The following MYZAP variants were observed in gnomAD, a reference collection of about 807,000 sequenced individuals.
The protein encoded by MYZAP is GRINL1A complex locus upstream.
A neutral mutation model predicts 69.4 loss-of-function variants in MYZAP; 66 were observed. The ratio of observed to expected loss-of-function variants is 0.95; its 90% CI spans 0.78 to 1.17. The LOEUF (loss-of-function observed/expected upper bound fraction) is 1.17, where lower values mean the gene tolerates loss of function less well. MYZAP is among the 50% of genes most tolerant of loss of function. MYZAP has a pLI of 0.00. For missense variants in MYZAP, 611 were observed against 556.2 expected (o/e 1.10, Z -0.99); for synonymous variants, 256 against 205.9 (o/e 1.24, Z -2.09).
rs190757701 is a variant in MYZAP at position 57,657,309 on chromosome 15, C to T, written c.1120-4141C>T. 2.3e-3 allele frequency among the ~76,000 whole-genome samples: 348 copies of T among 152,156 alleles called. 4 individuals carry two copies. The highest frequency in any genetic ancestry group is 8.0e-3 in the African/African-American group (333 of 41,490). ...TTCATTTAAAGATTTTAAAAGTTAA[C>T]TTTAACAATCTTAATACTATAAAAA... On this transcript the variant is annotated intron_variant, in intron 10 of 12. Coordinates refer to ENST00000267853, the MANE Select transcript of MYZAP (RefSeq NM_001018100.5).
chr15:57,659,922 T>C (rs991615797), intron 10 of MYZAP, among the ~76,000 whole-genome samples: 38 of 152,336 alleles, frequency 2.5e-4, no homozygotes, highest in African/African-American at 9.1e-4. Context: ...TATTTATTAA[T>C]AATTAGGGTT....
chr15:57,642,488 G>A (rs1337081426), intron 10 of MYZAP, among the ~76,000 whole-genome samples: 1 of 152,180 alleles, frequency 6.6e-6, no homozygotes, highest in African/African-American at 2.4e-5. Flanking sequence ...CATATAGGCA[G>A]CCTTTAAGTG....
intron 9 of MYZAP, among the ~76,000 whole-genome samples, chr15:57,638,377 G>A (rs999475694): frequency 9.2e-5 from 14 of 152,130 alleles, no homozygotes; most frequent in African/African-American, 2.7e-4. Context: ...ATCTTTAAAC[G>A]GGGGAGACGG....
At chr15:57,624,104 A>G (rs149052107) in intron 4 of MYZAP, among the ~76,000 whole-genome samples, 2,248 of 152,340 alleles carry the variant, frequency 0.015, 30 homozygotes, top group South Asian at 0.045. Context: ...TGTTTGCACC[A>G]TGTGAGTGTA....
At chr15:57,617,356 G>A (rs1400183331) in intron 2 of MYZAP, among the ~76,000 whole-genome samples, 2 of 152,016 alleles carry the variant, frequency 1.3e-5, no homozygotes, top group African/African-American at 4.8e-5. Flanking sequence ...CTATAAAGGC[G>A]TGTTAAGGCT....
chr15:57,640,826 G>A lies in MYZAP; in HGVS notation c.1119+1281G>A, dbSNP rs74016369. Reference sequence around the variant, plus strand: ...GTTTCTGGGGAGCAGTGGAATAGCAGAGGAGGCCACGCACGCATCTTTGCA... The same window carrying A: ...GTTTCTGGGGAGCAGTGGAATAGCAAAGGAGGCCACGCACGCATCTTTGCA... On this transcript the variant is annotated intron_variant, in intron 10 of 12. Coordinates refer to ENST00000267853, the MANE Select transcript of MYZAP (RefSeq NM_001018100.5). Among the ~76,000 whole-genome samples the A allele has an allele frequency of 5.0e-3, 769 of 152,316 alleles. 3 individuals are homozygous for A. Among genetic ancestry groups the A allele is most frequent in the African/African-American group, 0.018 (748 of 41,566 alleles).
In MYZAP at chr15:57,625,898, C is replaced by T. The variant is rs772785817; in HGVS notation, c.525+6C>T. 2 of 1,612,054 alleles carry T rather than the reference C, an allele frequency of 1.2e-6. No individual in the cohort carries two copies. Among genetic ancestry groups the T allele is most frequent in the South Asian group, 2.2e-5 (2 of 90,998 alleles). ...CAGATTCCATTGGCCTGCAGGTACT[C>T]ATCTGCTTACTGCTATGACAGGGCA... On this transcript the variant is annotated splice_donor_region_variant and intron_variant, in intron 5 of 12. Transcript: ENST00000267853.
chr15:57,618,716 A>G (rs2035627759), intron 3 of MYZAP, among the ~76,000 whole-genome samples: 1 of 152,252 alleles, frequency 6.6e-6, no homozygotes, highest in African/African-American at 2.4e-5. Flanking sequence ...TATGAAGAAG[A>G]AAATAAAATC....
intron 8 of MYZAP, 134 bp from the exon 9 acceptor site, chr15:57,637,561 C>T: frequency 1.2e-6 from 1 of 833,586 alleles, no homozygotes; most frequent in East Asian, 2.7e-5. Flanking sequence ...CTTGTTTGGG[C>T]TTTGCTGAGC....
chr15:57,638,706 T>C (rs1183673524), intron 9 of MYZAP, among the ~76,000 whole-genome samples: 1 of 152,198 alleles, frequency 6.6e-6, no homozygotes, highest in African/African-American at 2.4e-5. Context: ...TTTTGTGATG[T>C]GGCTTGCTCT....
intron 12 of MYZAP, among the ~76,000 whole-genome samples, chr15:57,683,377 G>A (rs1291303397): frequency 1.3e-5 from 2 of 152,290 alleles, no homozygotes; most frequent in Admixed American, 1.3e-4. Flanking sequence ...GCAGAGTAGG[G>A]CTGAATGGCA....
At chr15:57,597,201 C>T (rs2034117523) in intron 1 of MYZAP, among the ~76,000 whole-genome samples, 1 of 152,164 alleles carries the variant, frequency 6.6e-6, no homozygotes. Context: ...TTCGAGTTGC[C>T]TCATCCTGCT....
At chr15:57,606,897 A>G (rs2034786704) in intron 2 of MYZAP, among the ~76,000 whole-genome samples, 1 of 152,172 alleles carries the variant, frequency 6.6e-6, no homozygotes, top group South Asian at 2.1e-4. Flanking sequence ...TTCTCCACAG[A>G]CAAAGTTTGG....
chr15:57,646,896 G>A (rs118068086), intron 10 of MYZAP: 6 of 985,408 alleles, frequency 6.1e-6, no homozygotes, highest in Non-Finnish European at 7.2e-6. Flanking sequence ...CATCCTTCAT[G>A]TATGTTTTAT....
At chr15:57,660,250 A>G (rs2038217724) in intron 10 of MYZAP, among the ~76,000 whole-genome samples, 1 of 152,176 alleles carries the variant, frequency 6.6e-6, no homozygotes, top group East Asian at 1.9e-4. Flanking sequence ...ATGCATATGT[A>G]CTTTTTCTAG....
chr15:57,602,343 G>A (rs1370560972), intron 1 of MYZAP, among the ~76,000 whole-genome samples: 7 of 152,166 alleles, frequency 4.6e-5, no homozygotes, highest in Admixed American at 1.3e-4. Flanking sequence ...GGTCTGTGAA[G>A]GAACTCTCTG....
At chr15:57,593,214 A>ACACACACACACACCCCCC (rs1172761785) in intron 1 of MYZAP, among the ~76,000 whole-genome samples, 3 of 141,434 alleles carry the variant, frequency 2.1e-5, no homozygotes, top group African/African-American at 8.4e-5. Flanking sequence ...ACACACACAC[A>ACACACACACACACCCCCC]CCCCAGAATC....
intron 1 of MYZAP, among the ~76,000 whole-genome samples, chr15:57,598,976 A>G (rs148530786): frequency 4.6e-5 from 7 of 152,286 alleles, no homozygotes; most frequent in African/African-American, 1.2e-4. Context: ...CCCACCTCCC[A>G]TTAAGATTAG....
intron 2 of MYZAP, among the ~76,000 whole-genome samples, chr15:57,612,938 CT>C (rs1452130840): frequency 1.3e-5 from 2 of 151,250 alleles, no homozygotes; most frequent in African/African-American, 2.4e-5. Context: ...CTTTTATTTT[CT>C]TTTTTTTTCC....
Sources: allele counts gnomAD v4.1 joint callset (sites outside exome capture counted in the v4.1 genomes callset), GRCh38; gene constraint gnomAD v4.1.1; transcripts MANE v1.5; gene names NCBI Gene and HGNC (gene_info 2026-07-23, HGNC 2026-07-21).